GRIN2A: variants seen among roughly 807,000 people sequenced by gnomAD.
The protein encoded by GRIN2A is glutamate receptor ionotropic, NMDA 2A.
In GRIN2A, 22 loss-of-function variants were observed where a neutral mutation model predicts 113.4. The observed-to-expected ratio is 0.19, with a 90% confidence interval of 0.14 to 0.28. The LOEUF is 0.28. Among genes scored for constraint, GRIN2A ranks in the 10% least tolerant of loss-of-function variants. GRIN2A has a pLI of 1.00. For synonymous variants in GRIN2A, 827 were observed against 738.4 expected (o/e 1.12, Z -1.94); for missense variants, 1,502 against 1,887.0 (o/e 0.80, Z 3.78).
At chr16:10,139,453 ATCTG>A (rs953920524) in intron 2 of GRIN2A, among the ~76,000 whole-genome samples, 6 of 152,196 alleles carry the variant, frequency 3.9e-5, no homozygotes, top group African/African-American at 1.4e-4. Context: ...ACAAAAGCCA[ATCTG>A]CTTCCATTGT....
chr16:10,103,223 G>A (rs927678899), intron 2 of GRIN2A, among the ~76,000 whole-genome samples: 1 of 152,144 alleles, frequency 6.6e-6, no homozygotes, highest in African/African-American at 2.4e-5. Flanking sequence ...CATACATCTA[G>A]TCATGAGAAA....
At chr16:9,979,289 A>T (rs1383118375) in intron 2 of GRIN2A, among the ~76,000 whole-genome samples, 1 of 152,152 alleles carries the variant, frequency 6.6e-6, no homozygotes, top group African/African-American at 2.4e-5. Context: ...CCACATGGTT[A>T]TTCTGAAGAC....
chr16:10,005,711 C>A (rs2046394481), intron 2 of GRIN2A, among the ~76,000 whole-genome samples: 1 of 152,200 alleles, frequency 6.6e-6, no homozygotes, highest in African/African-American at 2.4e-5. Context: ...AGTCAAAGCA[C>A]CATGTGGGCT....
At chr16:10,032,505 T>G (rs185156809) in intron 2 of GRIN2A, among the ~76,000 whole-genome samples, 2 of 152,196 alleles carry the variant, frequency 1.3e-5, no homozygotes, top group African/African-American at 4.8e-5. Context: ...AATCTTCTCA[T>G]CAAAACAGCC....
chr16:9,837,584 C>A (rs1394721102), intron 7 of GRIN2A, among the ~76,000 whole-genome samples: 1 of 152,088 alleles, frequency 6.6e-6, no homozygotes, highest in Admixed American at 6.6e-5. Flanking sequence ...CAATTTCTTT[C>A]CATTTTGATC....
Position 9,990,520 on chromosome 16 carries a change from G to A in GRIN2A, c.415-51969C>T, listed in dbSNP as rs369394461. On this transcript the variant is annotated intron_variant, in intron 2 of 12. Transcript: ENST00000330684. ...ATGTCTATGTAACAAACCTGCACAC[G>A]CACCCCCTGAATCTCTCTCTCTACA... 8.7e-5 allele frequency among the ~76,000 whole-genome samples: 13 copies of A among 149,876 alleles called. 1 individual carries two copies. The East Asian group carries it at 2.2e-3, about 25-fold the overall frequency.
chr16:9,897,436 G>C (rs974923489), intron 3 of GRIN2A, among the ~76,000 whole-genome samples: 11 of 151,842 alleles, frequency 7.2e-5, no homozygotes, highest in Admixed American at 1.3e-4. Context: ...TATAAACGGG[G>C]CCAGAATTGT....
At chr16:10,103,210 AG>A (rs1282441453) in intron 2 of GRIN2A, among the ~76,000 whole-genome samples, 3 of 152,226 alleles carry the variant, frequency 2.0e-5, no homozygotes, top group African/African-American at 7.2e-5. Flanking sequence ...ACTTGTCCAA[AG>A]ACATACATCT....
intron 11 of GRIN2A, among the ~76,000 whole-genome samples, chr16:9,771,094 G>T (rs892307321): frequency 6.6e-6 from 1 of 152,076 alleles, no homozygotes; most frequent in African/African-American, 2.4e-5. Context: ...CCTTTTCATT[G>T]TCAGTGTTAG....
chr16:10,049,448 G>A (rs532453293), intron 2 of GRIN2A, among the ~76,000 whole-genome samples: 1 of 151,946 alleles, frequency 6.6e-6, no homozygotes, highest in Admixed American at 6.6e-5. Flanking sequence ...TGCGATCTCG[G>A]CTCACTGTAA....
chr16:9,861,195 A>C (rs1365808026), intron 4 of GRIN2A, among the ~76,000 whole-genome samples: 2 of 152,192 alleles, frequency 1.3e-5, no homozygotes, highest in Non-Finnish European at 2.9e-5. Context: ...AAACCTTCGG[A>C]GTATGTTTCA....
chr16:9,951,465 C>A (rs938380313), intron 2 of GRIN2A, among the ~76,000 whole-genome samples: 1 of 152,182 alleles, frequency 6.6e-6, no homozygotes, highest in South Asian at 2.1e-4. Context: ...TGTGTATGTG[C>A]GCACAGGCGT....
chr16:9,841,389 T>G (rs570462466), intron 5 of GRIN2A, among the ~76,000 whole-genome samples: 3 of 152,306 alleles, frequency 2.0e-5, no homozygotes, highest in Admixed American at 2.0e-4. Context: ...TGACATTTTC[T>G]GAATTAGTTG....
At chr16:10,039,812 A>AG (rs1491260826) in intron 2 of GRIN2A, among the ~76,000 whole-genome samples, 3,150 of 75,572 alleles carry the variant, frequency 0.042, 211 homozygotes, top group Non-Finnish European at 0.051. Context: ...GGGGGGGGAG[A>AG]AAGAGAGAGA....
intron 2 of GRIN2A, among the ~76,000 whole-genome samples, chr16:10,168,445 C>A (rs935844943): frequency 1.3e-5 from 2 of 152,024 alleles, no homozygotes; most frequent in African/African-American, 4.8e-5. Context: ...TTTTAAAAAT[C>A]AAGGATTTGA....
chr16:9,837,789 T>C (rs770398608), intron 7 of GRIN2A, among the ~76,000 whole-genome samples: 5 of 152,152 alleles, frequency 3.3e-5, no homozygotes, highest in Non-Finnish European at 5.9e-5. Context: ...GGCTCTCTTA[T>C]TAAAATACGA....
At chr16:10,042,467 A>C (rs7198417) in intron 2 of GRIN2A, among the ~76,000 whole-genome samples, 47,186 of 152,012 alleles carry the variant, frequency 0.31, 7,535 homozygotes, top group Middle Eastern at 0.43. Flanking sequence ...CCAGTCCTCC[A>C]GCCTCAGTCC....
At chr16:10,070,198 A>C (rs1176640684) in intron 2 of GRIN2A, among the ~76,000 whole-genome samples, 1 of 152,014 alleles carries the variant, frequency 6.6e-6, no homozygotes, top group Admixed American at 6.6e-5. Flanking sequence ...AGATGCCAGC[A>C]ATGTTTTCTA....
intron 5 of GRIN2A, 96 bp downstream of exon 5, chr16:9,849,660 C>T: frequency 3.2e-6 from 3 of 925,286 alleles, no homozygotes; most frequent in Middle Eastern, 2.1e-4. Context: ...TTTTCTATGA[C>T]ATTTTGTGAT....
Sources: allele counts gnomAD v4.1 joint callset (sites outside exome capture counted in the v4.1 genomes callset), GRCh38; gene constraint gnomAD v4.1.1; transcripts MANE v1.5; gene names NCBI Gene and HGNC (gene_info 2026-07-23, HGNC 2026-07-21).